EPHA5: variants seen among roughly 807,000 people sequenced by gnomAD.
EPHA5 encodes ephrin type-A receptor 5.
EPHA5 carries 60 observed loss-of-function variants against 105.0 expected under a neutral mutation model. The observed-to-expected ratio is 0.57, with a 90% confidence interval of 0.46 to 0.71. EPHA5 has a LOEUF of 0.71. EPHA5 is among the 30% of genes least tolerant of loss of function. The probability of loss-of-function intolerance (pLI) is 0.00; values close to 1 mark genes in which losing one functional copy is unlikely to be tolerated. For synonymous variants in EPHA5, 513 were observed against 449.1 expected (o/e 1.14, Z -1.80); for missense variants, 1,218 against 1,274.7 (o/e 0.96, Z 0.68).
intron 3 of EPHA5, among the ~76,000 whole-genome samples, chr4:65,595,095 C>G (rs547221316): frequency 5.3e-5 from 8 of 151,196 alleles, no homozygotes; most frequent in Non-Finnish European, 1.2e-4. Context: ...TACTGTTTCC[C>G]ATACTTTTCA....
rs186675473 is a variant in EPHA5 at position 65,380,655 on chromosome 4, G to T, written c.1794-13231C>A. Among the ~76,000 whole-genome samples the T allele has an allele frequency of 1.9e-3, 295 of 151,858 alleles. 4 individuals are homozygous for T. Among genetic ancestry groups the T allele is most frequent in the Middle Eastern group, 0.01 (3 of 294 alleles). On this transcript the variant is annotated intron_variant, in intron 8 of 16. Coordinates refer to ENST00000613740, the MANE Select transcript of EPHA5 (RefSeq NM_001281766.3). ...ACAAAAGAAGTACTTGAATTACATA[G>T]AAAATATTTTTATTTTACTTGTAAC...
At chr4:65,533,925 T>C (rs193274556) in intron 3 of EPHA5, among the ~76,000 whole-genome samples, 1 of 147,810 alleles carries the variant, frequency 6.8e-6, no homozygotes, top group Admixed American at 6.9e-5. Context: ...AGAGTGAGAC[T>C]CCATCTCAAA....
intron 5 of EPHA5, among the ~76,000 whole-genome samples, chr4:65,490,109 T>G (rs1261408051): frequency 1.3e-5 from 2 of 152,238 alleles, no homozygotes; most frequent in East Asian, 3.8e-4. Context: ...TCAAATGGAT[T>G]TGATCCAGAA....
At chr4:65,655,926 A>G (rs1328413333) in intron 1 of EPHA5, among the ~76,000 whole-genome samples, 2 of 152,242 alleles carry the variant, frequency 1.3e-5, no homozygotes, top group Non-Finnish European at 2.9e-5. Context: ...CTTCCATACA[A>G]CATTCCTTTT....
intron 11 of EPHA5, among the ~76,000 whole-genome samples, chr4:65,364,445 G>A (rs889335519): frequency 1.6e-4 from 24 of 151,626 alleles, no homozygotes; most frequent in African/African-American, 5.1e-4. Flanking sequence ...CAAATTAAAA[G>A]AGATGTAAAA....
intron 3 of EPHA5, among the ~76,000 whole-genome samples, chr4:65,531,881 T>C (rs931982700): frequency 6.6e-6 from 1 of 152,234 alleles, no homozygotes; most frequent in Non-Finnish European, 1.5e-5. Context: ...GGGCTTTCAC[T>C]TGTATTAAGC....
At chr4:65,572,956 A>G (rs1401618186) in intron 3 of EPHA5, among the ~76,000 whole-genome samples, 1 of 152,076 alleles carries the variant, frequency 6.6e-6, no homozygotes, top group African/African-American at 2.4e-5. Flanking sequence ...ACTTGAACCC[A>G]GGAGGCGGAG....
chr4:65,329,809 C>CTT (rs5858950), intron 16 of EPHA5, among the ~76,000 whole-genome samples: 5 of 137,452 alleles, frequency 3.6e-5, no homozygotes, highest in East Asian at 4.3e-4. Context: ...CAATGACTGA[C>CTT]TTTTTTTTTT....
At chr4:65,448,234 A>G (rs554746653) in intron 5 of EPHA5, among the ~76,000 whole-genome samples, 3 of 152,046 alleles carry the variant, frequency 2.0e-5, no homozygotes, top group South Asian at 2.1e-4. Flanking sequence ...ACCAAGCTAT[A>G]AAAAAAGCAA....
chr4:65,490,355 T>C (rs369984799), intron 5 of EPHA5, 22 bp downstream of exon 5: 3 of 1,601,924 alleles, frequency 1.9e-6, no homozygotes, highest in East Asian at 2.2e-5. Flanking sequence ...ACATACACAA[T>C]TGGGTTGGGC....
chr4:65,449,029 A>T (rs1364026377), intron 5 of EPHA5, among the ~76,000 whole-genome samples: 2 of 152,152 alleles, frequency 1.3e-5, no homozygotes, highest in African/African-American at 2.4e-5. Context: ...GGACAGTTTT[A>T]TACTTGTCAA....
chr4:65,365,972 T>C lies in EPHA5; in HGVS notation c.1947A>G (p.Ile649Met). Residue 649 changes from isoleucine (I) to methionine (M), a missense_variant, in exon 10 of 17, where the codon ATA becomes ATG. Around this residue, in one of 3 missense-constraint regions of EPHA5, gnomAD observed 971 missense variants for 1,013.5 expected, o/e 0.96. Coordinates refer to ENST00000613740, the MANE Select transcript of EPHA5 (RefSeq NM_001281766.3). ...TCTCAATGGTGATACATGATGCTTC[T>C]ATCTCCTTAGCAAATTCGTGGACAG... The part of the protein sequence containing the change: ...NQAVHEFAKE[I>M]EASCITIERV... The C allele has an allele frequency of 1.2e-6, 2 of 1,609,726 alleles. No homozygotes were observed. The highest frequency in any genetic ancestry group is 1.7e-6 in the Non-Finnish European group (2 of 1,176,942).
intron 8 of EPHA5, among the ~76,000 whole-genome samples, chr4:65,368,852 G>T (rs749985346): frequency 2.0e-5 from 3 of 152,004 alleles, no homozygotes; most frequent in Admixed American, 6.6e-5. Context: ...GCTTCCATAG[G>T]TTTGCACATA....
intron 3 of EPHA5, among the ~76,000 whole-genome samples, chr4:65,545,155 A>T (rs1737251909): frequency 6.6e-6 from 1 of 151,900 alleles, no homozygotes; most frequent in Admixed American, 6.6e-5. Context: ...TGCTATAGTA[A>T]CTTATACTGC....
chr4:65,436,898 T>C (rs910729586), intron 5 of EPHA5, among the ~76,000 whole-genome samples: 1 of 151,966 alleles, frequency 6.6e-6, no homozygotes, highest in African/African-American at 2.4e-5. Context: ...ATGCCCTCTT[T>C]AGAAAATGAT....
intron 11 of EPHA5, among the ~76,000 whole-genome samples, chr4:65,360,621 C>G (rs10026349): frequency 0.89 from 134,754 of 151,588 alleles, 60,120 homozygotes; most frequent in East Asian, 0.97. Flanking sequence ...ACTAAGCTTA[C>G]TAAATTCTTA....
chr4:65,658,346 G>A (rs1749252449), intron 1 of EPHA5, among the ~76,000 whole-genome samples: 1 of 152,060 alleles, frequency 6.6e-6, no homozygotes. Context: ...TCAGGCTCAA[G>A]TAGTTAGGTT....
At chr4:65,590,375 C>T (rs1282581218) in intron 3 of EPHA5, among the ~76,000 whole-genome samples, 3 of 151,950 alleles carry the variant, frequency 2.0e-5, no homozygotes, top group African/African-American at 7.3e-5. Context: ...AGATGTGATC[C>T]ACACGCATGA....
chr4:65,504,679 A>G (rs1397448750), intron 3 of EPHA5, among the ~76,000 whole-genome samples: 3 of 151,894 alleles, frequency 2.0e-5, no homozygotes, highest in Non-Finnish European at 4.4e-5. Context: ...CCTAGAATGA[A>G]CTGACACATG....
Sources: gnomAD v4.1 joint callset for allele counts (sites outside exome capture counted in the v4.1 genomes callset) on GRCh38, gnomAD v4.1.1 for gene constraint, gnomAD v4.1.1 regional missense constraint, MANE v1.5 for transcripts, NCBI Gene and HGNC (gene_info 2026-07-23, HGNC 2026-07-21) for gene names.